NCKAP5: variants seen among roughly 807,000 people sequenced by gnomAD.
The protein encoded by NCKAP5 is nck-associated protein 5.
Under a neutral mutation model 167.0 loss-of-function variants are expected in NCKAP5, and 92 were observed. That is an observed-to-expected ratio of 0.55 (90% CI 0.47 to 0.66). The LOEUF (loss-of-function observed/expected upper bound fraction) is 0.66, where lower values mean the gene tolerates loss of function less well. Among genes scored for constraint, NCKAP5 ranks in the 30% least tolerant of loss-of-function variants. The pLI, the probability that NCKAP5 is intolerant of heterozygous loss-of-function variation, is 0.00. For synonymous variants in NCKAP5, 891 were observed against 877.4 expected, an observed-to-expected ratio of 1.02 and a Z score of -0.27; for missense variants, 2,378 against 2,315.0, an observed-to-expected ratio of 1.03 and a Z score of -0.56.
intron 4 of NCKAP5, among the ~76,000 whole-genome samples, chr2:133,291,659 A>G (rs1014117393): frequency 3.9e-5 from 6 of 152,228 alleles, no homozygotes; most frequent in African/African-American, 1.4e-4. Context: ...CAAAGCCCGG[A>G]CACCAAGTAA....
chr2:133,292,332 G>C (rs964525209), intron 4 of NCKAP5, among the ~76,000 whole-genome samples: 1 of 149,634 alleles, frequency 6.7e-6, no homozygotes, highest in Non-Finnish European at 1.5e-5. Context: ...GCACTTTGTC[G>C]CTTCTTACTG....
rs144535290 is a variant in NCKAP5, at chr2:133,025,321, G to A, written c.342-31082C>T. Among the ~76,000 whole-genome samples the A allele has an allele frequency of 8.6e-3, 1,317 of 152,270 alleles. 21 individuals are homozygous for A. The highest frequency in any genetic ancestry group is 0.03 in the African/African-American group (1,265 of 41,542). On this transcript the variant is annotated intron_variant, in intron 6 of 19. Coordinates refer to ENST00000409261, the MANE Select transcript of NCKAP5 (RefSeq NM_207363.3). ...ACAATGTAAAGCTACTAATCAGTCAGCATATGTTTATTTGCTTTATTTTGG... is the reference window on the plus strand; with the variant it reads ...ACAATGTAAAGCTACTAATCAGTCAACATATGTTTATTTGCTTTATTTTGG...
chr2:132,974,994 T>C (rs780602924), intron 7 of NCKAP5, among the ~76,000 whole-genome samples: 1 of 152,238 alleles, frequency 6.6e-6, no homozygotes, highest in South Asian at 2.1e-4. Flanking sequence ...ATTTGTTTTC[T>C]GGTGGTGAGG....
intron 16 of NCKAP5, among the ~76,000 whole-genome samples, chr2:132,749,630 T>A (rs1177081695): frequency 6.6e-6 from 1 of 152,178 alleles, no homozygotes; most frequent in African/African-American, 2.4e-5. Context: ...GTATTCACTC[T>A]CTGTAACAGA....
At chr2:133,236,212 G>A (rs992712916) in intron 4 of NCKAP5, among the ~76,000 whole-genome samples, 15 of 151,170 alleles carry the variant, frequency 9.9e-5, no homozygotes, top group African/African-American at 3.4e-4. Context: ...ATATTAAAAA[G>A]GAGTCTTTAA....
intron 16 of NCKAP5, among the ~76,000 whole-genome samples, chr2:132,757,852 C>T (rs184019270): frequency 6.6e-6 from 1 of 152,340 alleles, no homozygotes; most frequent in Non-Finnish European, 1.5e-5. Flanking sequence ...TGACTAGAAT[C>T]TGCACAGAAT....
the NCKAP5 span, among the ~76,000 whole-genome samples, chr2:133,594,884 ACATTCATT>A: frequency 1.3e-5 from 2 of 151,540 alleles, no homozygotes; most frequent in South Asian, 2.1e-4. Context: ...CCTCACTTAC[ACATTCATT>A]CATTCATTCA....
intron 5 of NCKAP5, among the ~76,000 whole-genome samples, chr2:133,132,077 C>T (rs1165219935): frequency 2.0e-5 from 3 of 151,956 alleles, no homozygotes; most frequent in Non-Finnish European, 4.4e-5. Flanking sequence ...ATCACGAGGT[C>T]AGGAGTTCAA....
At chr2:132,744,468 T>C (rs1017661066) in intron 16 of NCKAP5, among the ~76,000 whole-genome samples, 2 of 151,306 alleles carry the variant, frequency 1.3e-5, no homozygotes, top group African/African-American at 4.9e-5. Flanking sequence ...TGAATGAAAA[T>C]ACAATGGAAT....
intron 6 of NCKAP5, among the ~76,000 whole-genome samples, chr2:133,116,749 T>A (rs959705153): frequency 1.3e-5 from 2 of 152,228 alleles, no homozygotes; most frequent in Admixed American, 1.3e-4. Flanking sequence ...CAGACAGACC[T>A]GACTTAAATC....
intron 7 of NCKAP5, among the ~76,000 whole-genome samples, chr2:132,982,049 C>A (rs893976849): frequency 6.6e-6 from 1 of 152,192 alleles, no homozygotes; most frequent in Non-Finnish European, 1.5e-5. Flanking sequence ...TTACGAAAGG[C>A]ATCCGTGGCA....
At chr2:133,201,606 T>C (rs1423170825) in intron 5 of NCKAP5, among the ~76,000 whole-genome samples, 1 of 152,190 alleles carries the variant, frequency 6.6e-6, no homozygotes, top group African/African-American at 2.4e-5. Flanking sequence ...GTGATAAAGA[T>C]ATTCTATACC....
chr2:133,618,399 C>G, the NCKAP5 span, among the ~76,000 whole-genome samples: 1 of 149,992 alleles, frequency 6.7e-6, no homozygotes, highest in Non-Finnish European at 1.5e-5. Flanking sequence ...TTTCACAACC[C>G]ACTCATCTGA....
intron 16 of NCKAP5, among the ~76,000 whole-genome samples, chr2:132,758,840 A>C (rs184130325): frequency 1.1e-3 from 166 of 152,284 alleles, no homozygotes; most frequent in African/African-American, 3.8e-3. Flanking sequence ...TAACTTAAAA[A>C]AATTACAAAA....
chr2:132,870,862 C>G (rs922130465), intron 9 of NCKAP5, among the ~76,000 whole-genome samples: 1 of 151,614 alleles, frequency 6.6e-6, no homozygotes, highest in Non-Finnish European at 1.5e-5. Context: ...AGGCTGTCAT[C>G]AACTTTTGAT....
At chr2:132,848,444 C>A (rs1002578252) in intron 11 of NCKAP5, among the ~76,000 whole-genome samples, 2 of 152,114 alleles carry the variant, frequency 1.3e-5, no homozygotes, top group African/African-American at 4.8e-5. Flanking sequence ...GATCTCAATG[C>A]CTGTCTTGAA....
At chr2:132,703,918 A>G (rs1290409524) in intron 19 of NCKAP5, among the ~76,000 whole-genome samples, 1 of 152,092 alleles carries the variant, frequency 6.6e-6, no homozygotes, top group East Asian at 1.9e-4. Context: ...CCTGGCCCTT[A>G]TTTGTACATC....
chr2:133,097,235 T>C (rs941484983), intron 6 of NCKAP5, among the ~76,000 whole-genome samples: 1 of 152,168 alleles, frequency 6.6e-6, no homozygotes, highest in African/African-American at 2.4e-5. Flanking sequence ...AGGGTGGCAG[T>C]GTCACCCCAT....
chr2:133,069,775 A>G (rs1469577290), intron 6 of NCKAP5, among the ~76,000 whole-genome samples: 1 of 152,160 alleles, frequency 6.6e-6, no homozygotes, highest in African/African-American at 2.4e-5. Context: ...TGATTTACAG[A>G]AAGCATTAGA....
Sources: gnomAD v4.1 joint callset for allele counts (sites outside exome capture counted in the v4.1 genomes callset) on GRCh38, gnomAD v4.1.1 for gene constraint, MANE v1.5 for transcripts, NCBI Gene and HGNC (gene_info 2026-07-23, HGNC 2026-07-21) for gene names.